The following BICD1 variants were observed in gnomAD, a reference collection of about 807,000 sequenced individuals.
BICD1 encodes protein bicaudal D homolog 1.
Under a neutral mutation model 92.5 loss-of-function variants are expected in BICD1, and 35 were observed. The observed-to-expected ratio is 0.38, with a 90% confidence interval of 0.29 to 0.50. BICD1 has a LOEUF of 0.50. Among genes scored for constraint, BICD1 ranks in the 20% least tolerant of loss-of-function variants. BICD1 has a pLI of 0.93. For missense variants in BICD1, 950 were observed against 1,189.8 expected (o/e 0.80, Z 2.97); for synonymous variants, 429 against 465.1 (o/e 0.92, Z 1.00).
chr12:32,130,694 T>C (rs1942512882), intron 1 of BICD1, among the ~76,000 whole-genome samples: 1 of 152,118 alleles, frequency 6.6e-6, no homozygotes, highest in Non-Finnish European at 1.5e-5. Flanking sequence ...AGAAGCACTG[T>C]TTAACATCTA....
At chr12:32,296,875 T>C (rs1310772397) in intron 3 of BICD1, among the ~76,000 whole-genome samples, 1 of 152,194 alleles carries the variant, frequency 6.6e-6, no homozygotes, top group Non-Finnish European at 1.5e-5. Flanking sequence ...CTGTCATTCC[T>C]GTTGTGAGTT....
chr12:32,165,371 A>C (rs1342234444), intron 1 of BICD1, among the ~76,000 whole-genome samples: 2 of 151,542 alleles, frequency 1.3e-5, no homozygotes, highest in Non-Finnish European at 2.9e-5. Flanking sequence ...AAAAAATTAG[A>C]CGGGCGTGGT....
intron 8 of BICD1, among the ~76,000 whole-genome samples, chr12:32,344,315 A>C (rs1473902098): frequency 6.6e-6 from 1 of 152,216 alleles, no homozygotes; most frequent in Non-Finnish European, 1.5e-5. Context: ...TCAGCACTAC[A>C]ACCTGGTGCA....
intron 1 of BICD1, among the ~76,000 whole-genome samples, chr12:32,171,958 C>CACAA (rs1350702382): frequency 7.0e-6 from 1 of 143,746 alleles, no homozygotes; most frequent in Non-Finnish European, 1.5e-5. Context: ...CACACACACA[C>CACAA]ACACACACAC....
chr12:32,116,462 G>GTCTCTC (rs1173406919), intron 1 of BICD1, among the ~76,000 whole-genome samples: 5 of 91,648 alleles, frequency 5.5e-5, no homozygotes, highest in African/African-American at 1.9e-4. Flanking sequence ...CTGTCTGTCT[G>GTCTCTC]TCTCTCTCTC....
intron 2 of BICD1, among the ~76,000 whole-genome samples, chr12:32,267,987 A>C (rs1320922625): frequency 6.7e-6 from 1 of 148,656 alleles, no homozygotes; most frequent in Non-Finnish European, 1.5e-5. Context: ...GTTTTTTTTG[A>C]AGAAATGGTG....
chr12:32,142,815 G>A (rs191013855), intron 1 of BICD1, among the ~76,000 whole-genome samples: 1 of 152,302 alleles, frequency 6.6e-6, no homozygotes, highest in East Asian at 1.9e-4. Flanking sequence ...GACTTTTGAT[G>A]TTGTTGGAGC....
At chr12:32,321,694 A>G (rs999956299) in intron 4 of BICD1, among the ~76,000 whole-genome samples, 4 of 152,206 alleles carry the variant, frequency 2.6e-5, no homozygotes, top group Non-Finnish European at 5.9e-5. Context: ...ATTCATTCAG[A>G]GCACTAAATC....
At chr12:32,362,085 C>T (rs745757160) in intron 8 of BICD1, among the ~76,000 whole-genome samples, 5 of 152,226 alleles carry the variant, frequency 3.3e-5, no homozygotes, top group Non-Finnish European at 4.4e-5. Flanking sequence ...TTTGGCTGGG[C>T]GCAGTGGCTC....
At chr12:32,369,273 C>T (rs1939639426) in intron 9 of BICD1, among the ~76,000 whole-genome samples, 1 of 152,260 alleles carries the variant, frequency 6.6e-6, no homozygotes, top group Non-Finnish European at 1.5e-5. Flanking sequence ...AATGCTTCAT[C>T]TCCAGCCACC....
intron 8 of BICD1, among the ~76,000 whole-genome samples, chr12:32,351,487 C>CAAAAAAAAA: frequency 1.7e-5 from 1 of 57,224 alleles, no homozygotes; most frequent in Non-Finnish European, 3.0e-5. Context: ...GACTCTGTCT[C>CAAAAAAAAA]AAAAAAAAAA....
chr12:32,238,128 G>T (rs1374976817), intron 2 of BICD1, among the ~76,000 whole-genome samples: 2 of 152,154 alleles, frequency 1.3e-5, no homozygotes, highest in Non-Finnish European at 2.9e-5. Context: ...AGTAGAGCAG[G>T]CTGGGCATGG....
intron 1 of BICD1, among the ~76,000 whole-genome samples, chr12:32,188,871 G>T (rs1944490146): frequency 6.6e-6 from 1 of 152,016 alleles, no homozygotes; most frequent in Non-Finnish European, 1.5e-5. Context: ...GGGACTACAG[G>T]CGCCCACTAC....
At chr12:32,115,904 GATGATTCAGGCAGTTGGGCTTT>G (rs753575502) in intron 1 of BICD1, among the ~76,000 whole-genome samples, 5 of 152,172 alleles carry the variant, frequency 3.3e-5, no homozygotes, top group African/African-American at 4.8e-5. Flanking sequence ...GGCAAGCCAG[GATGATTCAGGCAGTTGGGCTTT>G]ATTACGTTAT....
At chr12:32,114,706 T>A (rs1941827059) in intron 1 of BICD1, among the ~76,000 whole-genome samples, 1 of 152,306 alleles carries the variant, frequency 6.6e-6, no homozygotes, top group East Asian at 1.9e-4. Context: ...TGCAATTGGT[T>A]GTTATTTTAT....
rs1940081169 is a variant in BICD1, at chr12:32,378,747, A to C, written c.*1120A>C. The stretch of plus-strand genomic sequence containing the variant: ...TTGTTGTTAGTTTTTTTCATAACGA[A>C]TCTTCCTTGCCAAAAAAACAATAGA... On this transcript the variant is annotated 3_prime_UTR_variant, in exon 10 of 10. Coordinates refer to ENST00000652176, the MANE Select transcript of BICD1 (RefSeq NM_001714.4). 1 of 152,156 alleles carries C rather than the reference A, an allele frequency of 6.6e-6. No individual in the cohort carries two copies. Among genetic ancestry groups the C allele is most frequent in the South Asian group, 2.1e-4 (1 of 4,836 alleles). The allele number at this position is 152,156 out of a possible 1,614,324, so 9.4% of individuals were successfully genotyped here. A position where few individuals can be genotyped will look rare whatever the true frequency, so the allele number is the denominator to read the frequency against.
chr12:32,234,962 G>C (rs1024363989), intron 2 of BICD1, among the ~76,000 whole-genome samples: 1 of 152,154 alleles, frequency 6.6e-6, no homozygotes, highest in Non-Finnish European at 1.5e-5. Flanking sequence ...TGGGATTACA[G>C]GTGTGAGCCA....
Position 32,128,968 on chromosome 12 carries a change from A to T in BICD1, c.213+21424A>T, listed in dbSNP as rs186059707. On this transcript the variant is annotated intron_variant, in intron 1 of 9. Transcript: ENST00000652176. ...TTTTTTTCTTTTTTTTTGAGACAGA[A>T]TCTCGCTCTGTTGCCCAGGCTGGAG... 1.6e-3 allele frequency among the ~76,000 whole-genome samples: 238 copies of T among 151,304 alleles called. 4 individuals are homozygous for T. The East Asian group carries it at 0.032, about 21-fold the overall frequency.
At chr12:32,127,082 A>G (rs1942373206) in intron 1 of BICD1, among the ~76,000 whole-genome samples, 1 of 152,124 alleles carries the variant, frequency 6.6e-6, no homozygotes, top group South Asian at 2.1e-4. Context: ...TATGTTGGAA[A>G]TATCTTTTCC....
Sources: gnomAD v4.1 joint callset for allele counts (sites outside exome capture counted in the v4.1 genomes callset) on GRCh38, gnomAD v4.1.1 for gene constraint, MANE v1.5 for transcripts, NCBI Gene and HGNC (gene_info 2026-07-23, HGNC 2026-07-21) for gene names.